Variants in SLX9 observed in about 807,000 individuals in gnomAD.
SLX9 encodes the protein ribosome biogenesis protein SLX9 homolog.
A neutral mutation model predicts 20.8 loss-of-function variants in SLX9; 19 were observed. That is an observed-to-expected ratio of 0.91 (90% confidence interval 0.64 to 1.34). SLX9 has a LOEUF of 1.34. Ranked by LOEUF, SLX9 falls within the 40% of genes most tolerant of loss-of-function variation. The pLI, the probability that SLX9 is intolerant of heterozygous loss-of-function variation, is 0.00. For missense variants in SLX9, 299 were observed against 322.2 expected (o/e 0.93, Z 0.55); for synonymous variants, 113 against 137.1 (o/e 0.82, Z 1.23).
chr21:44,947,481 C>G (rs769445821), intron 2 of SLX9, among the ~76,000 whole-genome samples: 1 of 152,222 alleles, frequency 6.6e-6, no homozygotes, highest in South Asian at 2.1e-4. Context: ...TCCTCCCCCA[C>G]TCTAGCCCTG....
At chr21:44,974,101 C>T (rs2070228060) in intron 5 of SLX9, among the ~76,000 whole-genome samples, 1 of 152,270 alleles carries the variant, frequency 6.6e-6, no homozygotes, top group Non-Finnish European at 1.5e-5. Context: ...CGCACGCTCT[C>T]TTGCCTCTTT....
chr21:44,950,265 T>C (rs1315306554), intron 2 of SLX9, among the ~76,000 whole-genome samples: 2 of 134,458 alleles, frequency 1.5e-5, no homozygotes, highest in African/African-American at 2.9e-5. Context: ...TTTTAAGACC[T>C]TTTTTTACAG....
In SLX9 at chr21:44,941,449, C is replaced by T. The variant is rs1422454837; in HGVS notation, c.129+1263C>T. On this transcript the variant is annotated intron_variant, in intron 1 of 5. Coordinates refer to ENST00000291634, the MANE Select transcript of SLX9 (RefSeq NM_058190.4). Reference sequence around the variant, plus strand: ...GCTGTGTGCAGCCTCTGATGTGCCCCCTTGGTTTTTTTTTTTTCTTCCTGT... The same window carrying T: ...GCTGTGTGCAGCCTCTGATGTGCCCTCTTGGTTTTTTTTTTTTCTTCCTGT... Among the ~76,000 whole-genome samples, 9 of 151,728 alleles carry T rather than the reference C, an allele frequency of 5.9e-5. 1 individual carries two copies. The South Asian group carries it at 1.9e-3, about 31-fold the overall frequency.
intron 3 of SLX9, among the ~76,000 whole-genome samples, chr21:44,966,489 GCCATACCCCTTCTGT>G (rs1317590802): frequency 6.6e-6 from 1 of 152,144 alleles, no homozygotes; most frequent in Non-Finnish European, 1.5e-5. Flanking sequence ...AAATCCCAAG[GCCATACCCCTTCTGT>G]CCAGACCCTG....
Position 44,976,810 on chromosome 21 carries a change from C to T in SLX9, c.*7C>T, listed in dbSNP as rs1568950956. ...AGATGGCGGCCAGCTCTGACCAGGG[C>T]AGCGGGCATGCCACAACTCCTCAGG... On this transcript the variant is annotated 3_prime_UTR_variant, in exon 6 of 6. Coordinates refer to ENST00000291634, the MANE Select transcript of SLX9 (RefSeq NM_058190.4). The T allele has an allele frequency of 6.5e-7, 1 of 1,540,718 alleles. No homozygotes were observed. Among genetic ancestry groups the T allele is most frequent in the Non-Finnish European group, 8.7e-7 (1 of 1,148,098 alleles).
chr21:44,976,692 G>C lies in SLX9; in HGVS notation c.582G>C (p.Arg194Ser). The change falls in exon 6 of 6, where the codon AGG (arginine) becomes AGC (serine). Residue 194 changes from arginine to serine, a missense_variant. Physicochemically the swap from Arg to Ser is moderately radical, Grantham distance 110. Transcript: ENST00000291634. ...TCCATTCTTTCAGCGAGGAAGAAAG[G>C]ACCCGGTTTCAGGAGCTGCTGGCCA... The part of the protein sequence containing the change: ...AQRQQLLEEE[R>S]TRFQELLASP... The C allele has an allele frequency of 1.3e-6, 2 of 1,581,306 alleles. No individual in the cohort carries two copies. Among genetic ancestry groups the C allele is most frequent in the African/African-American group, 2.7e-5 (2 of 74,404 alleles).
intron 2 of SLX9, among the ~76,000 whole-genome samples, chr21:44,955,957 C>T (rs1313824741): frequency 4.6e-5 from 7 of 151,816 alleles, no homozygotes; most frequent in African/African-American, 1.4e-4. Context: ...AGTCGGCCTC[C>T]GCCTGCGGCC....
chr21:44,943,205 T>TGAGC (rs2084581287), intron 1 of SLX9, among the ~76,000 whole-genome samples: 1 of 149,502 alleles, frequency 6.7e-6, no homozygotes, highest in African/African-American at 2.6e-5. Flanking sequence ...CAGGGATGAG[T>TGAGC]GTGGCTCAGA....
At chr21:44,940,603 A>G (rs2084525054) in intron 1 of SLX9, among the ~76,000 whole-genome samples, 1 of 151,932 alleles carries the variant, frequency 6.6e-6, no homozygotes, top group African/African-American at 2.4e-5. Context: ...CCTCAGCCCT[A>G]AGCAAGCACG....
intron 5 of SLX9, among the ~76,000 whole-genome samples, chr21:44,976,386 G>T (rs140343861): frequency 3.3e-5 from 5 of 152,186 alleles, no homozygotes; most frequent in Non-Finnish European, 7.3e-5. Flanking sequence ...GGGAGTTGCC[G>T]CCGCGTTTCT....
chr21:44,954,220 G>C (rs898343847), intron 2 of SLX9, among the ~76,000 whole-genome samples: 8 of 152,140 alleles, frequency 5.3e-5, no homozygotes, highest in Non-Finnish European at 1.0e-4. Flanking sequence ...TTTCTTGTTT[G>C]TATCAGCTCC....
chr21:44,964,447 T>C (rs1280078123), intron 3 of SLX9, among the ~76,000 whole-genome samples: 3 of 152,196 alleles, frequency 2.0e-5, no homozygotes, highest in African/African-American at 4.8e-5. Context: ...TTGCTGTTCC[T>C]CCCGTTGCAG....
intron 4 of SLX9, among the ~76,000 whole-genome samples, chr21:44,972,482 A>C (rs1374081418): frequency 6.6e-6 from 1 of 152,166 alleles, no homozygotes; most frequent in African/African-American, 2.4e-5. Flanking sequence ...CCAGGACTAA[A>C]GGAAATAGCC....
intron 2 of SLX9, among the ~76,000 whole-genome samples, chr21:44,954,899 C>T (rs1390353561): frequency 6.6e-6 from 1 of 152,100 alleles, no homozygotes; most frequent in African/African-American, 2.4e-5. Context: ...AAATGGACAC[C>T]TAATGACAAA....
Position 44,973,145 on chromosome 21 carries a change from G to C in SLX9, c.501-52G>C. ...AGGAGCCAGCCTCTGCCCACGGGAA[G>C]GTGTTTAGGGGATGCTGGATGCTGA... On this transcript the variant is annotated intron_variant, in intron 4 of 5. Transcript: ENST00000291634. The C allele has an allele frequency of 3.1e-6, 5 of 1,601,844 alleles. No individual in the cohort carries two copies. The African/African-American group carries it at 4.0e-5, about 13-fold the overall frequency.
Position 44,940,137 on chromosome 21 carries a change from CG to C in SLX9, c.81del (p.Pro29LeufsTer30). The part of the protein sequence containing the change: ...RPKGEAAPGP[A>X]PPAPEATPPP... Reference sequence around the variant, plus strand: ...AAAGGGGAGGCCGCCCCCGGCCCCGCGCCCCCTGCCCCGGAGGCGACCCCTC... The same window carrying C: ...AAAGGGGAGGCCGCCCCCGGCCCCGCCCCCCTGCCCCGGAGGCGACCCCTC... On this transcript the variant is annotated frameshift_variant, in exon 1 of 6. Coordinates refer to ENST00000291634, the MANE Select transcript of SLX9 (RefSeq NM_058190.4). LOFTEE classifies it high-confidence loss of function. The C allele has an allele frequency of 2.2e-6, 3 of 1,347,828 alleles. No homozygotes were observed. The highest frequency in any genetic ancestry group is 2.8e-4 in the Middle Eastern group (1 of 3,568). The allele number at this position is 1,347,828 out of a possible 1,614,324, so 83.5% of individuals were successfully genotyped here.
intron 5 of SLX9, among the ~76,000 whole-genome samples, chr21:44,974,374 A>G (rs1348580415): frequency 6.6e-6 from 1 of 152,160 alleles, no homozygotes; most frequent in Non-Finnish European, 1.5e-5. Context: ...CTGGTGTCGA[A>G]TGGTAGCTCC....
Position 44,966,218 on chromosome 21 carries a change from C to T in SLX9, c.353-816C>T, listed in dbSNP as rs368702103. 1.2e-4 allele frequency among the ~76,000 whole-genome samples: 19 copies of T among 152,272 alleles called. 1 individual carries two copies. The South Asian group carries it at 3.7e-3, about 30-fold the overall frequency. ...GGGGGCTGAGAGGGGCGCCGCTGTCCCAGACAGCGGGATTGGAGAGGAGCT... is the reference window on the plus strand; with the variant it reads ...GGGGGCTGAGAGGGGCGCCGCTGTCTCAGACAGCGGGATTGGAGAGGAGCT... On this transcript the variant is annotated intron_variant, in intron 3 of 5. Transcript: ENST00000291634.
intron 3 of SLX9, among the ~76,000 whole-genome samples, chr21:44,966,417 CA>C (rs2085036439): frequency 6.6e-6 from 1 of 152,236 alleles, no homozygotes; most frequent in South Asian, 2.1e-4. Context: ...GTGCAGTGAG[CA>C]GCATGTCCGA....
Sources: allele counts gnomAD v4.1 joint callset (sites outside exome capture counted in the v4.1 genomes callset), GRCh38; gene constraint gnomAD v4.1.1; transcripts MANE v1.5; gene names NCBI Gene and HGNC (gene_info 2026-07-23, HGNC 2026-07-21).